The following KPNA7 variants were observed in gnomAD, a reference collection of about 807,000 sequenced individuals.
KPNA7 encodes karyopherin subunit alpha 7.
Under a neutral mutation model 53.7 loss-of-function variants are expected in KPNA7, and 54 were observed. The observed-to-expected ratio is 1.01, with a 90% CI of 0.81 to 1.26. The LOEUF (loss-of-function observed/expected upper bound fraction) is 1.26. Ranked by LOEUF, KPNA7 falls within the 50% of genes most tolerant of loss-of-function variation. The probability of loss-of-function intolerance (pLI) is 0.00; values close to 1 mark genes in which losing one functional copy is unlikely to be tolerated. For missense variants in KPNA7, 640 were observed against 644.5 expected, an observed-to-expected ratio of 0.99 and a Z score of 0.07; for synonymous variants, 276 against 259.3, an observed-to-expected ratio of 1.06 and a Z score of -0.62.
chr7:99,181,411 A>T (rs1481961971), intron 9 of KPNA7, among the ~76,000 whole-genome samples: 1 of 152,232 alleles, frequency 6.6e-6, no homozygotes, highest in East Asian at 1.9e-4. Context: ...TAGTCTGAGC[A>T]TCTGAAAAAA....
intron 6 of KPNA7, among the ~76,000 whole-genome samples, chr7:99,190,056 C>T (rs553733119): frequency 6.6e-5 from 10 of 151,356 alleles, no homozygotes; most frequent in Admixed American, 4.0e-4. Context: ...AAGGAGCTCT[C>T]GGCTGGGCGT....
the KPNA7 span, among the ~76,000 whole-genome samples, chr7:99,160,047 CAG>C: frequency 1.0e-5 from 1 of 97,670 alleles, no homozygotes; most frequent in Middle Eastern, 8.8e-3. Context: ...TTTTTTGAGA[CAG>C]TGTCTCGCTC....
intron 8 of KPNA7, among the ~76,000 whole-genome samples, chr7:99,184,498 T>G (rs957099858): frequency 1.3e-5 from 2 of 152,204 alleles, no homozygotes; most frequent in African/African-American, 2.4e-5. Context: ...ATTTGAATTT[T>G]GTTGACATTA....
intron 1 of KPNA7, among the ~76,000 whole-genome samples, chr7:99,207,730 G>A (rs1790896075): frequency 7.2e-6 from 1 of 138,310 alleles, no homozygotes; most frequent in South Asian, 2.4e-4. Context: ...CCGCCTCCCG[G>A]GTTCAAGTGG....
intron 3 of KPNA7, among the ~76,000 whole-genome samples, chr7:99,202,199 G>C (rs1337501388): frequency 1.3e-5 from 2 of 152,126 alleles, no homozygotes; most frequent in Non-Finnish European, 2.9e-5. Context: ...TGCCCTCTAT[G>C]AGACCTAAAC....
At chr7:99,208,337 G>C (rs1790925732), upstream of KPNA7, among the ~76,000 whole-genome samples, 1 of 151,794 alleles carries the variant, frequency 6.6e-6, no homozygotes, top group Non-Finnish European at 1.5e-5. Context: ...CTCACTGCAA[G>C]CTCCGCCTCC....
At chr7:99,211,436 AG>A (rs1325327763), upstream of KPNA7, among the ~76,000 whole-genome samples, 1 of 152,196 alleles carries the variant, frequency 6.6e-6, no homozygotes, top group Non-Finnish European at 1.5e-5. Flanking sequence ...AAAGTAATTT[AG>A]GGCCAAGACT....
At chr7:99,219,372 C>A (rs1791291183) in intron 1 of KPNA7, among the ~76,000 whole-genome samples, 3 of 152,176 alleles carry the variant, frequency 2.0e-5, no homozygotes, top group Admixed American at 1.3e-4. Flanking sequence ...TAAACTTGCA[C>A]AGAAGGCTTA....
rs1798811103 is a variant in KPNA7 at position 99,173,612 on chromosome 7, C to T, written c.*96G>A. 2 of 676,286 alleles carry T rather than the reference C, an allele frequency of 3.0e-6. No homozygotes were observed. Among genetic ancestry groups the T allele is most frequent in the Non-Finnish European group, 5.0e-6 (2 of 403,164 alleles). 41.9% of individuals were successfully genotyped at this position (676,286 alleles called of 1,614,324 possible). ...TTTTATTAATGTCAAGTTTTAAAAGCTTCACATTTGGGTTACACTAAGATA... is the reference window on the plus strand; with the variant it reads ...TTTTATTAATGTCAAGTTTTAAAAGTTTCACATTTGGGTTACACTAAGATA... On this transcript the variant is annotated 3_prime_UTR_variant, in exon 11 of 11. Transcript: ENST00000327442.
the KPNA7 span, among the ~76,000 whole-genome samples, chr7:99,146,980 A>C: frequency 6.6e-6 from 1 of 152,178 alleles, no homozygotes. Context: ...AAAAAATCGT[A>C]AGTCAAACCG....
the KPNA7 span, among the ~76,000 whole-genome samples, chr7:99,156,342 TGCCAGTCTGATTCTCATTC>T: frequency 5.3e-5 from 8 of 152,206 alleles, no homozygotes; most frequent in Non-Finnish European, 1.2e-4. Context: ...AGAAATCTGA[TGCCAGTCTGATTCTCATTC>T]TTTTATAGGT....
At chr7:99,157,179 T>C in the KPNA7 span, among the ~76,000 whole-genome samples, 1 of 152,130 alleles carries the variant, frequency 6.6e-6, no homozygotes, top group African/African-American at 2.4e-5. Context: ...TTCTGGGAAA[T>C]GGTTGTTTTG....
chr7:99,163,381 A>ATTTTT, the KPNA7 span, among the ~76,000 whole-genome samples: 78 of 58,852 alleles, frequency 1.3e-3, 2 homozygotes, highest in Non-Finnish European at 1.5e-3. Flanking sequence ...ATATATATAT[A>ATTTTT]TATTTTTTTT....
intron 2 of KPNA7, among the ~76,000 whole-genome samples, chr7:99,203,704 A>T (rs541523927): frequency 6.6e-6 from 1 of 151,878 alleles, no homozygotes; most frequent in East Asian, 1.9e-4. Flanking sequence ...ATTTATATAT[A>T]TATTTATATA....
Position 99,180,197 on chromosome 7 carries a change from C to A in KPNA7, c.1317+1686G>T, listed in dbSNP as rs547615532. Among the ~76,000 whole-genome samples the A allele has an allele frequency of 2.4e-3, 370 of 152,294 alleles. 1 individual carries two copies. Among genetic ancestry groups the A allele is most frequent in the African/African-American group, 8.1e-3 (336 of 41,576 alleles). On this transcript the variant is annotated intron_variant, in intron 9 of 10. Coordinates refer to ENST00000327442, the MANE Select transcript of KPNA7 (RefSeq NM_001145715.3). Reference sequence around the variant, plus strand: ...AGTGACTTCCCGGTCATCGTGTAAGCCTCCTCAGAAGCCAATCCTCTTGGC... The same window carrying A: ...AGTGACTTCCCGGTCATCGTGTAAGACTCCTCAGAAGCCAATCCTCTTGGC...
chr7:99,195,033 G>A lies in KPNA7; in HGVS notation c.553+37C>T, dbSNP rs984482008. The A allele has an allele frequency of 4.9e-5, 75 of 1,544,746 alleles. No homozygotes were observed. The Admixed American group carries it at 1.4e-3, about 30-fold the overall frequency. ...AACCTTATAGTATCCCACACACCTG[G>A]CCCCGTTTTCTTAGCCCACTAAGGG... is the stretch of plus-strand genomic sequence containing the variant. On this transcript the variant is annotated intron_variant, in intron 5 of 10. Transcript: ENST00000327442.
At chr7:99,180,742 CGTGT>C (rs1563067998) in intron 9 of KPNA7, among the ~76,000 whole-genome samples, 1 of 29,656 alleles carries the variant, frequency 3.4e-5, no homozygotes, top group African/African-American at 1.6e-4. Context: ...TCTCTCTCCC[CGTGT>C]CTCTCTCTCT....
downstream of KPNA7, among the ~76,000 whole-genome samples, chr7:99,169,952 A>C (rs1798742445): frequency 1.3e-5 from 2 of 151,934 alleles, no homozygotes; most frequent in South Asian, 4.2e-4. Flanking sequence ...GAGGCAGGAG[A>C]AGTCACTTGA....
At chr7:99,173,944 G>A in intron 10 of KPNA7, 150 bp from the exon 11 acceptor site, 1 of 585,476 alleles carries the variant, frequency 1.7e-6, no homozygotes, top group Non-Finnish European at 3.0e-6. Context: ...TCGCATTGTT[G>A]CGCAACCATC....
Sources: allele counts gnomAD v4.1 joint callset (sites outside exome capture counted in the v4.1 genomes callset), GRCh38; gene constraint gnomAD v4.1.1; transcripts MANE v1.5; gene names NCBI Gene and HGNC (gene_info 2026-07-23, HGNC 2026-07-21).